DLGAP1: variants seen among roughly 807,000 people sequenced by gnomAD.
DLGAP1 encodes DLG associated protein 1, also known as disks large-associated protein 1.
DLGAP1 carries 11 observed loss-of-function variants against 90.8 expected under a neutral mutation model. The ratio of observed to expected loss-of-function variants is 0.12; its 90% CI spans 0.08 to 0.20. The LOEUF (loss-of-function observed/expected upper bound fraction) is 0.20, where lower values mean the gene tolerates loss of function less well. Ranked by LOEUF, DLGAP1 falls within the 10% of genes least tolerant of loss-of-function variation. The probability of loss-of-function intolerance (pLI) is 1.00; values close to 1 mark genes in which losing one functional copy is unlikely to be tolerated. For synonymous variants in DLGAP1, 558 were observed against 540.7 expected (o/e 1.03, Z -0.44); for missense variants, 1,050 against 1,333.8 (o/e 0.79, Z 3.31).
At chr18:3,892,225 C>T (rs569768985) in intron 3 of DLGAP1, among the ~76,000 whole-genome samples, 2 of 151,418 alleles carry the variant, frequency 1.3e-5, no homozygotes, top group South Asian at 4.2e-4. Flanking sequence ...CTGATTATGC[C>T]ATTCTTTCAC....
At chr18:3,628,075 T>C (rs1236395962) in intron 7 of DLGAP1, among the ~76,000 whole-genome samples, 1 of 151,942 alleles carries the variant, frequency 6.6e-6, no homozygotes, top group East Asian at 1.9e-4. Context: ...GGGCTTTCAC[T>C]ATGTTGGCCA....
At chr18:3,637,394 C>T (rs1039388287) in intron 7 of DLGAP1, among the ~76,000 whole-genome samples, 10 of 152,042 alleles carry the variant, frequency 6.6e-5, no homozygotes, top group African/African-American at 2.4e-4. Context: ...AGACACACTT[C>T]GCTCCTGGTA....
chr18:3,805,407 G>C (rs1457498341), intron 5 of DLGAP1, among the ~76,000 whole-genome samples: 1 of 152,232 alleles, frequency 6.6e-6, no homozygotes, highest in Non-Finnish European at 1.5e-5. Flanking sequence ...CTGGTAGAAA[G>C]TCTTAGAGAA....
chr18:3,924,746 A>G (rs1051004963), intron 3 of DLGAP1, among the ~76,000 whole-genome samples: 2 of 152,152 alleles, frequency 1.3e-5, no homozygotes, highest in South Asian at 2.1e-4. Flanking sequence ...TGAAATTGGA[A>G]TCTTGCAATT....
chr18:4,124,596 A>C (rs2076203880), intron 2 of DLGAP1, among the ~76,000 whole-genome samples: 1 of 152,256 alleles, frequency 6.6e-6, no homozygotes, highest in African/African-American at 2.4e-5. Context: ...TGTTTTCAGA[A>C]ATCCTTCACC....
chr18:3,662,138 T>TGCA (rs2059707469), intron 7 of DLGAP1, among the ~76,000 whole-genome samples: 1 of 151,834 alleles, frequency 6.6e-6, no homozygotes, highest in South Asian at 2.1e-4. Flanking sequence ...CAGTAAAAGG[T>TGCA]GCAGGTAGAG....
intron 1 of DLGAP1, among the ~76,000 whole-genome samples, chr18:4,399,614 G>T (rs1218117153): frequency 6.6e-6 from 1 of 152,172 alleles, no homozygotes; most frequent in Non-Finnish European, 1.5e-5. Context: ...ATCCTTTGTT[G>T]AGACTGTTGG....
At chr18:4,246,325 A>C (rs900437541) in intron 1 of DLGAP1, among the ~76,000 whole-genome samples, 2 of 152,232 alleles carry the variant, frequency 1.3e-5, no homozygotes, top group Non-Finnish European at 2.9e-5. Context: ...AGGCCAAACA[A>C]ATTTTATTTA....
intron 3 of DLGAP1, among the ~76,000 whole-genome samples, chr18:3,980,948 T>C (rs796583003): frequency 6.6e-6 from 1 of 152,234 alleles, no homozygotes; most frequent in Non-Finnish European, 1.5e-5. Flanking sequence ...CTTTATTAAC[T>C]ATAGTCACCA....
intron 9 of DLGAP1, among the ~76,000 whole-genome samples, chr18:3,538,764 T>A (rs1256215843): frequency 3.3e-5 from 5 of 152,248 alleles, no homozygotes; most frequent in Non-Finnish European, 7.3e-5. Context: ...CTCATTGTTT[T>A]CAATCAGAGC....
chr18:4,080,432 T>A (rs984752144), intron 2 of DLGAP1, among the ~76,000 whole-genome samples: 10 of 152,220 alleles, frequency 6.6e-5, no homozygotes, highest in Non-Finnish European at 1.3e-4. Context: ...AAAATATAGT[T>A]CTTTGACATA....
At chr18:3,719,558 A>G (rs1387388782) in intron 7 of DLGAP1, among the ~76,000 whole-genome samples, 1 of 141,906 alleles carries the variant, frequency 7.0e-6, no homozygotes, top group South Asian at 2.3e-4. Flanking sequence ...CTCTGTCTCA[A>G]AAAAAAAAAA....
In DLGAP1 at chr18:3,842,279, G is replaced by C. The variant is rs371780541; in HGVS notation, c.958-28006C>G. Among the ~76,000 whole-genome samples, 2 of 152,214 alleles carry C rather than the reference G, an allele frequency of 1.3e-5. 1 individual carries two copies. The highest frequency in any genetic ancestry group is 1.3e-4 in the Admixed American group (2 of 15,280). The stretch of plus-strand genomic sequence containing the variant: ...GGACAGAGGGAGTGTTAGGAAATGA[G>C]ATTGTGAAGGAAAAAGGTCCCCAGC... On this transcript the variant is annotated intron_variant, in intron 4 of 12. Coordinates refer to ENST00000315677, the MANE Select transcript of DLGAP1 (RefSeq NM_004746.4).
intron 1 of DLGAP1, among the ~76,000 whole-genome samples, chr18:4,363,395 G>A (rs905015436): frequency 6.6e-6 from 1 of 152,104 alleles, no homozygotes; most frequent in Non-Finnish European, 1.5e-5. Flanking sequence ...ATTGGCTCAA[G>A]GTGTTTAAAC....
intron 3 of DLGAP1, among the ~76,000 whole-genome samples, chr18:3,892,691 G>A (rs1216522577): frequency 6.6e-6 from 1 of 151,982 alleles, no homozygotes; most frequent in Non-Finnish European, 1.5e-5. Flanking sequence ...AATGCACCAA[G>A]TGAAAGCCTT....
chr18:3,586,207 C>T (rs1031911563), intron 7 of DLGAP1, among the ~76,000 whole-genome samples: 2 of 152,110 alleles, frequency 1.3e-5, no homozygotes, highest in Non-Finnish European at 2.9e-5. Context: ...TTTTGAGATC[C>T]CCCCCAACTT....
chr18:3,621,879 T>C (rs2058106670), intron 7 of DLGAP1, among the ~76,000 whole-genome samples: 1 of 152,122 alleles, frequency 6.6e-6, no homozygotes, highest in Non-Finnish European at 1.5e-5. Flanking sequence ...GGTGTAAGGA[T>C]TGCTTGAGCT....
At chr18:3,757,331 A>C (rs763829886) in intron 5 of DLGAP1, among the ~76,000 whole-genome samples, 1 of 152,006 alleles carries the variant, frequency 6.6e-6, no homozygotes, top group Middle Eastern at 3.2e-3. Context: ...ATCGCTTGAA[A>C]CCGGGAGGCA....
intron 1 of DLGAP1, among the ~76,000 whole-genome samples, chr18:4,153,158 T>G (rs968202264): frequency 1.3e-5 from 2 of 152,174 alleles, no homozygotes; most frequent in Non-Finnish European, 2.9e-5. Flanking sequence ...CTAGGAGAGG[T>G]CTTAAATGTC....
Sources: allele counts gnomAD v4.1 joint callset (sites outside exome capture counted in the v4.1 genomes callset), GRCh38; gene constraint gnomAD v4.1.1; transcripts MANE v1.5; gene names NCBI Gene and HGNC (gene_info 2026-07-23, HGNC 2026-07-21).